BPIFA3: variants seen among roughly 807,000 people sequenced by gnomAD.
The protein encoded by BPIFA3 is BPI fold containing family A member 3, also known as BPI fold-containing family A member 3.
Under a neutral mutation model 29.7 loss-of-function variants are expected in BPIFA3, and 32 were observed. That is an observed-to-expected ratio of 1.08 (90% CI 0.81 to 1.45). The LOEUF (loss-of-function observed/expected upper bound fraction) is 1.45, where lower values mean the gene tolerates loss of function less well. Ranked by LOEUF, BPIFA3 falls within the 40% of genes most tolerant of loss-of-function variation. The pLI, the probability that BPIFA3 is intolerant of heterozygous loss-of-function variation, is 0.00. For synonymous variants in BPIFA3, 112 were observed against 113.7 expected, an observed-to-expected ratio of 0.98 and a Z score of 0.10; for missense variants, 323 against 311.3, an observed-to-expected ratio of 1.04 and a Z score of -0.28.
chr20:33,220,173 C>CGAAT (rs1023065257), intron 1 of BPIFA3, among the ~76,000 whole-genome samples: 1 of 150,486 alleles, frequency 6.6e-6, no homozygotes, highest in Non-Finnish European at 1.5e-5. Flanking sequence ...CTGAGGTGGG[C>CGAAT]GAATCACAAG....
At chr20:33,221,872 G>T (rs1312913622) in intron 1 of BPIFA3, among the ~76,000 whole-genome samples, 1 of 152,206 alleles carries the variant, frequency 6.6e-6, no homozygotes, top group African/African-American at 2.4e-5. Context: ...TATACAATAA[G>T]TGCAGTTAGA....
chr20:33,223,994 A>G, intron 2 of BPIFA3, 33 bp downstream of exon 2: 1 of 1,609,892 alleles, frequency 6.2e-7, no homozygotes, highest in Non-Finnish European at 8.5e-7. Context: ...TGGCCCTGGA[A>G]CTCTTTATAG....
At chr20:33,222,361 T>C (rs1407017) in intron 1 of BPIFA3, among the ~76,000 whole-genome samples, 11,769 of 152,292 alleles carry the variant, frequency 0.077, 1,547 homozygotes, top group African/African-American at 0.27. Context: ...CCCTCTTGTT[T>C]GGTCTGATAG....
chr20:33,222,820 G>T (rs1194736858), intron 1 of BPIFA3, among the ~76,000 whole-genome samples: 2 of 152,160 alleles, frequency 1.3e-5, no homozygotes, highest in African/African-American at 4.8e-5. Context: ...ATACCTATAG[G>T]TTCACTCTAT....
intron 1 of BPIFA3, among the ~76,000 whole-genome samples, chr20:33,218,844 T>C (rs1985382353): frequency 6.6e-6 from 1 of 152,168 alleles, no homozygotes; most frequent in African/African-American, 2.4e-5. Context: ...GATAACTACT[T>C]GTTTTAGCTT....
At chr20:33,222,823 C>A (rs1046406732) in intron 1 of BPIFA3, among the ~76,000 whole-genome samples, 17 of 152,212 alleles carry the variant, frequency 1.1e-4, no homozygotes, top group African/African-American at 4.1e-4. Flanking sequence ...CCTATAGGTT[C>A]ACTCTATCCT....
chr20:33,224,488 A>C (rs1985682691), intron 3 of BPIFA3, 26 bp downstream of exon 3: 2 of 1,556,142 alleles, frequency 1.3e-6, no homozygotes, highest in Admixed American at 1.7e-5. Context: ...GCAGAATCTG[A>C]GAGGTGCTGG....
chr20:33,223,999 T>C (rs577109351), intron 2 of BPIFA3, 38 bp downstream of exon 2: 1 of 1,607,544 alleles, frequency 6.2e-7, no homozygotes, highest in Non-Finnish European at 8.5e-7. Context: ...CTGGAACTCT[T>C]TATAGAGCTC....
chr20:33,224,751 C>T (rs575214923), intron 3 of BPIFA3, among the ~76,000 whole-genome samples: 6 of 152,344 alleles, frequency 3.9e-5, no homozygotes, highest in African/African-American at 1.4e-4. Flanking sequence ...GTAATCATCT[C>T]ATCGCCCCTG....
chr20:33,225,229 A>C lies in BPIFA3; in HGVS notation c.518A>C (p.His173Pro), dbSNP rs148428328. The change falls in exon 4 of 7, where the codon CAT (histidine) becomes CCT (proline). Residue 173 changes from histidine (H) to proline (P), a missense_variant. Coordinates refer to ENST00000375454, the MANE Select transcript of BPIFA3 (RefSeq NM_178466.5). ...TGCGATGCAGAGCCCAGCAGTGTCC[A>C]TGTGGCCATCCTCACTGAGTAAGAC... ...GKCDAEPSSV[H>P]VAILTEAIPP... is the part of the protein sequence containing the mutation. 5 of 1,613,918 alleles carry C rather than the reference A, an allele frequency of 3.1e-6. No individual in the cohort carries two copies. Among genetic ancestry groups the C allele is most frequent in the Non-Finnish European group, 4.2e-6 (5 of 1,180,018 alleles).
chr20:33,223,792 G>C lies in BPIFA3; in HGVS notation c.128-19G>C. The C allele has an allele frequency of 6.2e-7, 1 of 1,605,046 alleles. No individual in the cohort carries two copies. Among genetic ancestry groups the C allele is most frequent in the Non-Finnish European group, 8.5e-7 (1 of 1,172,722 alleles). ...TTCCGTGACACTGTGCAAAGTCAGT[G>C]GTCCTTGTGCATTTCCAGTTATTGC... On this transcript the variant is annotated intron_variant, in intron 1 of 6. Coordinates refer to ENST00000375454, the MANE Select transcript of BPIFA3 (RefSeq NM_178466.5).
intron 1 of BPIFA3, among the ~76,000 whole-genome samples, chr20:33,218,390 A>T (rs1985359101): frequency 1.3e-5 from 2 of 152,236 alleles, no homozygotes; most frequent in Non-Finnish European, 2.9e-5. Flanking sequence ...AAATGAGCAT[A>T]CCTGTCTCCC....
chr20:33,217,723 A>G, intron 1 of BPIFA3, 60 bp downstream of exon 1: 2 of 1,560,178 alleles, frequency 1.3e-6, no homozygotes, highest in South Asian at 1.2e-5. Flanking sequence ...GGAAGGTGCC[A>G]TCTGGGCTCC....
At position 33,226,955 on chromosome 20, in the gene BPIFA3, T is replaced by G. The variant is rs912391364; in HGVS notation, c.647T>G (p.Leu216Arg). ...GTATGTCCTCTGATCGGTGAAATCC[T>G]CGGGCAGCTGGATGTGAAACTGTTG... ...SQVCPLIGEI[L>R]GQLDVKLLKS... The change falls in exon 6 of 7, where the codon CTC becomes CGC. Residue 216 changes from leucine to arginine, a missense_variant. By Grantham distance (102) the Leu-to-Arg change is moderately radical. Transcript: ENST00000375454. 6.2e-7 allele frequency: 1 copy of G among 1,614,040 alleles called. No homozygotes were observed. The highest frequency in any genetic ancestry group is 1.3e-5 in the African/African-American group (1 of 74,920).
Position 33,224,373 on chromosome 20 carries a change from TCAG to T in BPIFA3, c.299_301del (p.Gln100del). On this transcript the variant is annotated inframe_deletion, in exon 3 of 7. Transcript: ENST00000375454. ...TGTGCAGCATCAACATCACCAACAT[TCAG>T]CTGGACTGTGGTGGGATCCAGATAT... 1.2e-6 allele frequency: 2 copies of T among 1,614,098 alleles called. No individual in the cohort carries two copies. The highest frequency in any genetic ancestry group is 1.7e-6 in the Non-Finnish European group (2 of 1,179,942).
intron 1 of BPIFA3, among the ~76,000 whole-genome samples, chr20:33,218,163 G>A (rs1462154261): frequency 6.6e-6 from 1 of 152,200 alleles, no homozygotes; most frequent in African/African-American, 2.4e-5. Flanking sequence ...GCTCCCCTCT[G>A]GATGGACATG....
chr20:33,223,044 G>A (rs1381716341), intron 1 of BPIFA3, among the ~76,000 whole-genome samples: 1 of 152,130 alleles, frequency 6.6e-6, no homozygotes, highest in African/African-American at 2.4e-5. Context: ...AGATGATAGA[G>A]CCAGGATTTG....
chr20:33,217,449 C>G lies in BPIFA3; in HGVS notation c.-88C>G. 6.6e-7 allele frequency: 1 copy of G among 1,505,366 alleles called. No individual in the cohort carries two copies. Among genetic ancestry groups the G allele is most frequent in the Non-Finnish European group, 9.0e-7 (1 of 1,116,040 alleles). The allele number at this position is 1,505,366 out of a possible 1,614,324, so 93.3% of individuals were successfully genotyped here. The stretch of plus-strand genomic sequence containing the variant: ...CTGATGTCATCTTTCTGCAGAAAAC[C>G]ATTAGACCATCCCTCCAGACTGCCA... On this transcript the variant is annotated 5_prime_UTR_variant, in exon 1 of 7. Transcript: ENST00000375454.
At chr20:33,225,477 G>T (rs1223214665) in intron 4 of BPIFA3, 13 of 555,776 alleles carry the variant, frequency 2.3e-5, no homozygotes, top group Non-Finnish European at 4.1e-5. Flanking sequence ...TCCCATCAAT[G>T]ACTTGCTAGT....
Sources: allele counts gnomAD v4.1 joint callset (sites outside exome capture counted in the v4.1 genomes callset), GRCh38; gene constraint gnomAD v4.1.1; transcripts MANE v1.5; gene names NCBI Gene and HGNC (gene_info 2026-07-23, HGNC 2026-07-21).